Variants in MAGI2 observed in about 807,000 individuals in gnomAD.
MAGI2 encodes the protein membrane associated guanylate kinase, WW and PDZ domain containing 2.
MAGI2 carries 35 observed loss-of-function variants against 133.3 expected under a neutral mutation model. That is an observed-to-expected ratio of 0.26 (90% CI 0.20 to 0.35). MAGI2 has a LOEUF of 0.35. Among genes scored for constraint, MAGI2 ranks in the 10% least tolerant of loss-of-function variants. The pLI, the probability that MAGI2 is intolerant of heterozygous loss-of-function variation, is 1.00. For missense variants in MAGI2, 1,636 were observed against 1,863.4 expected, an observed-to-expected ratio of 0.88 and a Z score of 2.25; for synonymous variants, 729 against 710.6, an observed-to-expected ratio of 1.03 and a Z score of -0.41.
chr7:79,303,209 C>T (rs2129559872), intron 1 of MAGI2, among the ~76,000 whole-genome samples: 1 of 152,222 alleles, frequency 6.6e-6, no homozygotes, highest in South Asian at 2.1e-4. Context: ...ACGATGTACA[C>T]TATTCAGGTG....
chr7:79,335,971 C>T (rs1585616599), intron 1 of MAGI2, among the ~76,000 whole-genome samples: 2 of 152,038 alleles, frequency 1.3e-5, no homozygotes. Flanking sequence ...GACTGTTCAC[C>T]ACTTTCTTTC....
intron 2 of MAGI2, among the ~76,000 whole-genome samples, chr7:78,881,728 A>C (rs867914048): frequency 6.6e-6 from 1 of 152,096 alleles, no homozygotes; most frequent in African/African-American, 2.4e-5. Flanking sequence ...GTTAAAGCAG[A>C]GATCAAAAAA....
Position 78,775,320 on chromosome 7 carries a change from TAAAAAAAAAAAAAAAAAAAAA to T in MAGI2, c.419-148102_419-148082del, listed in dbSNP as rs3086258. Among the ~76,000 whole-genome samples the T allele has an allele frequency of 4.8e-3, 273 of 57,386 alleles. 1 individual carries two copies. The highest frequency in any genetic ancestry group is 7.4e-3 in the African/African-American group (106 of 14,376). The allele number at this position is 57,386 out of a possible 152,430, so 37.6% of individuals were successfully genotyped here. ...AGAGCGAGACTCTGTCGTCTCAAATTAAAAAAAAAAAAAAAAAAAAAAAAAAAAAAAAAAAAGGAAGCCTAA... is the reference window on the plus strand; with the variant it reads ...AGAGCGAGACTCTGTCGTCTCAAATTAAAAAAAAAAAAAAAGGAAGCCTAA... On this transcript the variant is annotated intron_variant, in intron 2 of 21. Transcript: ENST00000354212.
chr7:79,319,633 T>C (rs972047165), intron 1 of MAGI2, among the ~76,000 whole-genome samples: 1 of 152,086 alleles, frequency 6.6e-6, no homozygotes, highest in African/African-American at 2.4e-5. Flanking sequence ...AAGCAGAAAA[T>C]ATGAGCCATG....
chr7:78,984,501 G>A (rs781384030), intron 2 of MAGI2, among the ~76,000 whole-genome samples: 51 of 151,678 alleles, frequency 3.4e-4, no homozygotes, highest in Non-Finnish European at 2.4e-4. Context: ...CTGGCCTCCT[G>A]TCTATTGTTT....
intron 1 of MAGI2, among the ~76,000 whole-genome samples, chr7:79,115,540 G>C (rs1562905736): frequency 6.6e-6 from 1 of 152,086 alleles, no homozygotes. Flanking sequence ...CTCCTATCTG[G>C]TGGCAGCATT....
At chr7:78,036,099 C>A (rs1810190169) in intron 21 of MAGI2, among the ~76,000 whole-genome samples, 1 of 151,870 alleles carries the variant, frequency 6.6e-6, no homozygotes, top group African/African-American at 2.4e-5. Flanking sequence ...CAAATTTTTG[C>A]CAGTAGCAAC....
intron 1 of MAGI2, among the ~76,000 whole-genome samples, chr7:79,261,061 G>A (rs555380488): frequency 6.6e-6 from 1 of 152,264 alleles, no homozygotes; most frequent in Admixed American, 6.5e-5. Context: ...AACAACTCAA[G>A]AGAACAGCCA....
At chr7:79,334,849 A>G (rs1585612896) in intron 1 of MAGI2, among the ~76,000 whole-genome samples, 1 of 152,208 alleles carries the variant, frequency 6.6e-6, no homozygotes, top group South Asian at 2.1e-4. Flanking sequence ...ATCCATCTTC[A>G]TCAGATTATT....
chr7:79,399,513 A>G (rs1845319120), intron 1 of MAGI2, among the ~76,000 whole-genome samples: 2 of 152,092 alleles, frequency 1.3e-5, no homozygotes, highest in Admixed American at 1.3e-4. Flanking sequence ...GGCTAGGAAA[A>G]GATTAGGTAC....
intron 2 of MAGI2, among the ~76,000 whole-genome samples, chr7:78,990,450 C>T (rs1488522042): frequency 6.6e-6 from 1 of 152,050 alleles, no homozygotes; most frequent in African/African-American, 2.4e-5. Context: ...CTCTATTCCT[C>T]TTACGCTCAT....
intron 14 of MAGI2, chr7:78,170,769 A>T (rs1277750801): frequency 1.3e-5 from 2 of 151,800 alleles, no homozygotes; most frequent in African/African-American, 4.8e-5. Flanking sequence ...AATAAATAGC[A>T]TATTCACTAT....
At chr7:79,057,925 T>C (rs1217566726) in intron 1 of MAGI2, among the ~76,000 whole-genome samples, 2 of 151,246 alleles carry the variant, frequency 1.3e-5, no homozygotes, top group African/African-American at 4.9e-5. Context: ...TAAGTAACTA[T>C]ACAAATTGTT....
intron 1 of MAGI2, among the ~76,000 whole-genome samples, chr7:79,065,312 G>T (rs1276374531): frequency 6.6e-6 from 1 of 151,986 alleles, no homozygotes; most frequent in East Asian, 1.9e-4. Context: ...GTACTTATTT[G>T]CTTATAAACA....
At chr7:78,209,032 C>T (rs12667656) in intron 10 of MAGI2, among the ~76,000 whole-genome samples, 1 of 147,644 alleles carries the variant, frequency 6.8e-6, no homozygotes, top group East Asian at 2.1e-4. Flanking sequence ...ACCATCTGGG[C>T]TAACACGGTG....
At chr7:78,369,238 T>C in intron 6 of MAGI2, 25 bp from the exon 7 acceptor site, 4 of 1,493,278 alleles carry the variant, frequency 2.7e-6, no homozygotes, top group Non-Finnish European at 3.7e-6. Context: ...GTTCTTTCAG[T>C]AAATAAAGAA....
Position 79,192,566 on chromosome 7 carries a change from AT to A in MAGI2, c.302-185361del, listed in dbSNP as rs200092396. Among the ~76,000 whole-genome samples the A allele has an allele frequency of 7.6e-3, 1,149 of 151,972 alleles. 34 individuals are homozygous for A. The highest frequency in any genetic ancestry group is 0.026 in the African/African-American group (1,094 of 41,370). On this transcript the variant is annotated intron_variant, in intron 1 of 21. Transcript: ENST00000354212. ...AGTGGTTAGAAAAGGCTTTTCTGAAATGATCATCTAATCAGTGTGGCAAATA... is the reference window on the plus strand; with the variant it reads ...AGTGGTTAGAAAAGGCTTTTCTGAAAGATCATCTAATCAGTGTGGCAAATA...
chr7:79,216,332 C>G (rs770522721), intron 1 of MAGI2, among the ~76,000 whole-genome samples: 1 of 151,878 alleles, frequency 6.6e-6, no homozygotes, highest in Non-Finnish European at 1.5e-5. Flanking sequence ...TCAATCAAAC[C>G]CCTGCATTCA....
At chr7:79,007,634 T>C (rs1490526455) in intron 1 of MAGI2, among the ~76,000 whole-genome samples, 1 of 152,140 alleles carries the variant, frequency 6.6e-6, no homozygotes, top group East Asian at 1.9e-4. Context: ...GTACCTCATA[T>C]AAGTAGAATA....
Sources: allele counts gnomAD v4.1 joint callset (sites outside exome capture counted in the v4.1 genomes callset), GRCh38; gene constraint gnomAD v4.1.1; transcripts MANE v1.5; gene names NCBI Gene and HGNC (gene_info 2026-07-23, HGNC 2026-07-21).